ANO2: variants seen among roughly 807,000 people sequenced by gnomAD.
The protein encoded by ANO2 is anoctamin 2, also known as anoctamin-2.
Under a neutral mutation model 124.2 loss-of-function variants are expected in ANO2, and 101 were observed. The ratio of observed to expected loss-of-function variants is 0.81; its 90% CI spans 0.69 to 0.96. The LOEUF (loss-of-function observed/expected upper bound fraction) is 0.96. Among genes scored for constraint, ANO2 ranks in the 40% least tolerant of loss-of-function variants. The probability of loss-of-function intolerance (pLI) is 0.00; values close to 1 mark genes in which losing one functional copy is unlikely to be tolerated. For missense variants in ANO2, 1,293 were observed against 1,274.5 expected, an observed-to-expected ratio of 1.01 and a Z score of -0.22; for synonymous variants, 486 against 482.5, an observed-to-expected ratio of 1.01 and a Z score of -0.09.
At chr12:5,685,276 G>C (rs1333345758) in intron 14 of ANO2, among the ~76,000 whole-genome samples, 1 of 152,198 alleles carries the variant, frequency 6.6e-6, no homozygotes, top group Non-Finnish European at 1.5e-5. Flanking sequence ...GAGGACTGGG[G>C]AAGAGTGCTA....
intron 19 of ANO2, among the ~76,000 whole-genome samples, chr12:5,604,356 G>T (rs935961393): frequency 6.6e-6 from 1 of 152,196 alleles, no homozygotes; most frequent in Non-Finnish European, 1.5e-5. Flanking sequence ...AAGTAGAGAT[G>T]TCCAGTAGGC....
rs1156525042 is a variant in ANO2 at position 5,756,817 on chromosome 12, C to T, written c.1056-5847G>A. Among the ~76,000 whole-genome samples the T allele has an allele frequency of 4.6e-5, 7 of 152,214 alleles. No individual in the cohort carries two copies. In the East Asian group the frequency reaches 1.3e-3, roughly 29 times the overall value. On this transcript the variant is annotated intron_variant, in intron 10 of 24. Transcript: ENST00000682330. ...GAGCAGTCAAGTTTGCTGATGGGTC[C>T]ACGGGCAGATGAGCAGGGCTGCCCC...
chr12:5,610,195 ATACTTATATAAATACTTATATAAATATAT>A (rs1179405770), intron 19 of ANO2, among the ~76,000 whole-genome samples: 1 of 72,814 alleles, frequency 1.4e-5, no homozygotes, highest in Non-Finnish European at 2.6e-5. Flanking sequence ...ATATAAATAT[ATACTTATATAAATACTTATATAAATATAT>A]ACTTATATAA....
chr12:5,923,144 GCACACATACACACAC>G (rs1565783866), intron 1 of ANO2, among the ~76,000 whole-genome samples: 7 of 41,388 alleles, frequency 1.7e-4, no homozygotes, highest in African/African-American at 6.1e-4. Flanking sequence ...ACACACACAT[GCACACATACACACAC>G]GCATACACAC....
At chr12:5,916,802 G>C (rs1362369003) in intron 3 of ANO2, among the ~76,000 whole-genome samples, 2 of 151,942 alleles carry the variant, frequency 1.3e-5, no homozygotes, top group Non-Finnish European at 2.9e-5. Flanking sequence ...AGCAGGCAGT[G>C]CAGAGTCAGG....
intron 14 of ANO2, among the ~76,000 whole-genome samples, chr12:5,707,436 C>T (rs1014839298): frequency 3.3e-5 from 5 of 152,160 alleles, no homozygotes; most frequent in African/African-American, 1.2e-4. Context: ...TCCTTTAGGT[C>T]TATATCATGT....
intron 14 of ANO2, among the ~76,000 whole-genome samples, chr12:5,690,913 AT>A (rs1204896221): frequency 1.3e-5 from 2 of 152,262 alleles, no homozygotes; most frequent in East Asian, 3.8e-4. Flanking sequence ...TCAGGCATTT[AT>A]TGAACACCTA....
chr12:5,585,682 C>T (rs2136858529), intron 20 of ANO2, among the ~76,000 whole-genome samples: 2 of 152,266 alleles, frequency 1.3e-5, no homozygotes, highest in Middle Eastern at 6.8e-3. Flanking sequence ...GTGTGAAGGA[C>T]AATTATTCAT....
chr12:5,631,069 G>C (rs1945694788), intron 16 of ANO2, among the ~76,000 whole-genome samples: 1 of 152,128 alleles, frequency 6.6e-6, no homozygotes, highest in African/African-American at 2.4e-5. Context: ...TAGATATGTG[G>C]GCTGAGCAAG....
At chr12:5,806,316 C>T (rs1254522032) in intron 8 of ANO2, among the ~76,000 whole-genome samples, 1 of 152,150 alleles carries the variant, frequency 6.6e-6, no homozygotes, top group Non-Finnish European at 1.5e-5. Context: ...AGATGTGCCC[C>T]CTCATCCACT....
chr12:5,920,319 T>G (rs1941626310), intron 3 of ANO2, among the ~76,000 whole-genome samples: 1 of 152,154 alleles, frequency 6.6e-6, no homozygotes, highest in South Asian at 2.1e-4. Flanking sequence ...ATGAGATTCA[T>G]ATAGAGGAAT....
intron 19 of ANO2, among the ~76,000 whole-genome samples, chr12:5,600,375 C>T (rs547419359): frequency 3.3e-5 from 5 of 152,270 alleles, no homozygotes; most frequent in African/African-American, 1.2e-4. Context: ...GCCTCTAGAA[C>T]TATGAGAAAA....
chr12:5,613,782 C>T (rs577760985), intron 17 of ANO2, among the ~76,000 whole-genome samples: 1 of 152,286 alleles, frequency 6.6e-6, no homozygotes, highest in Non-Finnish European at 1.5e-5. Flanking sequence ...TGTGCTGTTG[C>T]TAAGGCTATC....
chr12:5,917,823 C>T (rs916792265), intron 3 of ANO2, among the ~76,000 whole-genome samples: 3 of 152,070 alleles, frequency 2.0e-5, no homozygotes, highest in Admixed American at 6.5e-5. Flanking sequence ...TCCAACTCAC[C>T]GTCCCAAAGT....
intron 14 of ANO2, among the ~76,000 whole-genome samples, chr12:5,709,233 G>A (rs1397872202): frequency 6.6e-6 from 1 of 152,074 alleles, no homozygotes; most frequent in African/African-American, 2.4e-5. Flanking sequence ...CTCCCTCATG[G>A]TGTTAGAGCT....
chr12:5,706,688 A>G (rs1012074382), intron 14 of ANO2, among the ~76,000 whole-genome samples: 3 of 152,158 alleles, frequency 2.0e-5, no homozygotes, highest in African/African-American at 4.8e-5. Flanking sequence ...TCCTCCTGCC[A>G]CTGGAATATA....
chr12:5,940,985 G>A (rs1333699622), intron 1 of ANO2, among the ~76,000 whole-genome samples: 1 of 152,208 alleles, frequency 6.6e-6, no homozygotes, highest in Non-Finnish European at 1.5e-5. Context: ...TATGCTAAGT[G>A]AAAGAACACA....
chr12:5,855,800 G>T (rs569364828), intron 3 of ANO2, among the ~76,000 whole-genome samples: 5 of 152,330 alleles, frequency 3.3e-5, no homozygotes, highest in Non-Finnish European at 5.9e-5. Flanking sequence ...AATAAAGATA[G>T]TGTTCAGACA....
intron 14 of ANO2, among the ~76,000 whole-genome samples, chr12:5,672,379 C>T (rs1165839432): frequency 6.6e-6 from 1 of 152,194 alleles, no homozygotes; most frequent in Non-Finnish European, 1.5e-5. Context: ...CTCATGGAGC[C>T]GGGGAACTAT....
Sources: gnomAD v4.1 joint callset for allele counts (sites outside exome capture counted in the v4.1 genomes callset) on GRCh38, gnomAD v4.1.1 for gene constraint, MANE v1.5 for transcripts, NCBI Gene and HGNC (gene_info 2026-07-23, HGNC 2026-07-21) for gene names.